Variants in DMD observed in about 807,000 individuals in gnomAD.
The protein encoded by DMD is dystrophin.
Under a neutral mutation model 330.1 loss-of-function variants are expected in DMD, and 63 were observed. The ratio of observed to expected loss-of-function variants is 0.19; its 90% CI spans 0.16 to 0.24. The LOEUF (loss-of-function observed/expected upper bound fraction) is 0.24. DMD is among the 10% of genes least tolerant of loss of function. The probability of loss-of-function intolerance (pLI) is 1.00; values close to 1 mark genes in which losing one functional copy is unlikely to be tolerated. For missense variants in DMD, 3,344 were observed against 2,684.1 expected, an observed-to-expected ratio of 1.25 and a Z score of -5.43; for synonymous variants, 1,223 against 959.8, an observed-to-expected ratio of 1.27 and a Z score of -5.07.
intron 50 of DMD, among the ~76,000 whole-genome samples, chrX:31,813,823 G>T (rs2092533496): frequency 9.0e-6 from 1 of 111,643 alleles, no homozygotes; most frequent in African/African-American, 3.3e-5. Context: ...ACGCTTCATG[G>T]TTTATAGGAA....
At chrX:32,919,158 A>G (rs1367383153) in intron 2 of DMD, among the ~76,000 whole-genome samples, 1 of 112,162 alleles carries the variant, frequency 8.9e-6, no homozygotes, top group Non-Finnish European at 1.9e-5. Context: ...AATGGAGATC[A>G]TCAAAGACCC....
intron 43 of DMD, among the ~76,000 whole-genome samples, chrX:32,287,235 G>A (rs909305623): frequency 3.6e-5 from 4 of 111,112 alleles, no homozygotes; most frequent in African/African-American, 9.8e-5. Flanking sequence ...ATGTTATATC[G>A]AACAACTGTT....
At chrX:32,816,727 G>A in intron 5 of DMD, 87 bp from the exon 6 acceptor site, 2 of 942,315 alleles carry the variant, frequency 2.1e-6, no homozygotes, top group Non-Finnish European at 3.0e-6. Flanking sequence ...TTGATCTTCA[G>A]TGATAAATAG....
At chrX:31,954,673 G>A (rs2095224952) in intron 45 of DMD, among the ~76,000 whole-genome samples, 1 of 110,451 alleles carries the variant, frequency 9.1e-6, no homozygotes, top group South Asian at 3.8e-4. Context: ...ACTCACATGT[G>A]GGAGCTAAAA....
At chrX:31,727,604 G>C (rs2086157747) in intron 52 of DMD, among the ~76,000 whole-genome samples, 1 of 111,982 alleles carries the variant, frequency 8.9e-6, no homozygotes, top group Non-Finnish European at 1.9e-5. Flanking sequence ...GATGGAAGGA[G>C]CTTGGGTTCC....
intron 48 of DMD, among the ~76,000 whole-genome samples, chrX:31,874,405 A>G (rs1732056761): frequency 1.8e-5 from 2 of 111,017 alleles, no homozygotes; most frequent in Admixed American, 1.9e-4. Flanking sequence ...CCCAGACATT[A>G]TATTTTAGGA....
In DMD at chrX:31,134,148, T is replaced by C. The variant is rs1255987524; in HGVS notation, c.10968A>G (p.Leu3656=). The C allele has an allele frequency of 1.7e-6, 2 of 1,209,523 alleles. No individual in the cohort carries two copies. Among genetic ancestry groups the C allele is most frequent in the Non-Finnish European group, 2.2e-6 (2 of 895,075 alleles). Residue 3656 remains leucine, a synonymous_variant, in exon 77 of 79, where the codon TTA becomes TTG. Coordinates refer to ENST00000357033, the MANE Select transcript of DMD (RefSeq NM_004006.3). ...TGTTGAGTTGCTCCATCACCTCCTC[T>C]AACCCTGTGCTTGTGTCCTGGGGAG... ...LSPPQDTSTG[L]EEVMEQLNNS...
chrX:32,537,202 A>G (rs1198641746), intron 17 of DMD, among the ~76,000 whole-genome samples: 4 of 111,388 alleles, frequency 3.6e-5, no homozygotes, highest in African/African-American at 9.8e-5. Flanking sequence ...CTCCAAAACT[A>G]TATTTTAGAT....
chrX:31,191,446 T>C (rs147892626), intron 67 of DMD, among the ~76,000 whole-genome samples: 2,562 of 111,524 alleles, frequency 0.023, 29 homozygotes, highest in Non-Finnish European at 0.035. Flanking sequence ...CATCTTGAAT[T>C]ATAACTCCCA....
At chrX:33,035,504 T>A (rs1295563302) in intron 1 of DMD, among the ~76,000 whole-genome samples, 4 of 112,062 alleles carry the variant, frequency 3.6e-5, no homozygotes, top group Non-Finnish European at 7.5e-5. Context: ...CCCATTATAT[T>A]GCAATGCCCT....
At chrX:32,906,832 G>C (rs1425400685) in intron 2 of DMD, among the ~76,000 whole-genome samples, 1 of 111,404 alleles carries the variant, frequency 9.0e-6, no homozygotes, top group Non-Finnish European at 1.9e-5. Flanking sequence ...AAAGTTGAGA[G>C]GGACTGTACT....
At chrX:31,640,562 C>A (rs746455649) in intron 54 of DMD, among the ~76,000 whole-genome samples, 3 of 112,088 alleles carry the variant, frequency 2.7e-5, no homozygotes, top group Non-Finnish European at 5.6e-5. Flanking sequence ...GAAGAAACAG[C>A]CTTTCTTTGG....
intron 44 of DMD, among the ~76,000 whole-genome samples, chrX:32,135,810 T>C (rs745971375): frequency 2.2e-3 from 246 of 112,733 alleles, no homozygotes; most frequent in South Asian, 6.2e-3. Context: ...TTAAAATATA[T>C]ACCTTATTTA....
intron 4 of DMD, among the ~76,000 whole-genome samples, chrX:32,829,557 C>T (rs1397921565): frequency 9.0e-6 from 1 of 111,549 alleles, no homozygotes; most frequent in East Asian, 2.8e-4. Context: ...TTCAAGAGCT[C>T]ACTTTTGAAT....
intron 45 of DMD, among the ~76,000 whole-genome samples, chrX:31,933,959 A>AT (rs5901998): frequency 8.4e-4 from 84 of 100,247 alleles, no homozygotes; most frequent in East Asian, 1.9e-3. Flanking sequence ...ATGATTAGCT[A>AT]TTTTTTTTTT....
chrX:32,933,139 T>C (rs940309446), intron 2 of DMD, among the ~76,000 whole-genome samples: 1 of 103,160 alleles, frequency 9.7e-6, no homozygotes, highest in Non-Finnish European at 2.0e-5. Context: ...TTGATAAGAA[T>C]GTATTTTTAA....
intron 2 of DMD, among the ~76,000 whole-genome samples, chrX:33,006,202 A>G (rs1280565274): frequency 2.7e-5 from 3 of 111,432 alleles, no homozygotes; most frequent in Non-Finnish European, 5.7e-5. Context: ...CGCAATCCCA[A>G]TCAAAATCAC....
Position 33,223,922 on chromosome X carries a change from C to T in DMD, c.7+115337G>A, listed in dbSNP as rs183006263. ...AACTCTATTTTAAAAATGGGCAAAA[C>T]ACCTTAACAGATAACTCACCAAAGA... On this transcript the variant is annotated intron_variant, in intron 1 of 17. Transcript: ENST00000288447. Among the ~76,000 whole-genome samples, 325 of 112,195 alleles carry T rather than the reference C, an allele frequency of 2.9e-3. 2 individuals carry two copies. Among genetic ancestry groups the T allele is most frequent in the Middle Eastern group, 0.014 (3 of 216 alleles).
chrX:31,715,947 C>A (rs1569282183), intron 52 of DMD, among the ~76,000 whole-genome samples: 2 of 111,835 alleles, frequency 1.8e-5, no homozygotes, highest in East Asian at 5.6e-4. Flanking sequence ...AGCTCCCCTG[C>A]GAGACAGTCC....
Sources: allele counts gnomAD v4.1 joint callset (sites outside exome capture counted in the v4.1 genomes callset), GRCh38; gene constraint gnomAD v4.1.1; transcripts MANE v1.5; gene names NCBI Gene and HGNC (gene_info 2026-07-23, HGNC 2026-07-21).